The following ZBBX variants were observed in gnomAD, a reference collection of about 807,000 sequenced individuals.
The protein encoded by ZBBX is zinc finger B-box domain-containing protein 1.
Under a neutral mutation model 108.5 loss-of-function variants are expected in ZBBX, and 101 were observed. The observed-to-expected ratio is 0.93, with a 90% CI of 0.79 to 1.10. The LOEUF (loss-of-function observed/expected upper bound fraction) is 1.10, where lower values mean the gene tolerates loss of function less well. Ranked by LOEUF, ZBBX falls within the 50% of genes least tolerant of loss-of-function variation. The pLI is 0.00. For synonymous variants in ZBBX, 356 were observed against 323.4 expected (o/e 1.10, Z -1.08); for missense variants, 1,009 against 941.4 (o/e 1.07, Z -0.94).
At chr3:167,330,081 A>G (rs997588584) in intron 10 of ZBBX, among the ~76,000 whole-genome samples, 1 of 152,240 alleles carries the variant, frequency 6.6e-6, no homozygotes, top group African/African-American at 2.4e-5. Flanking sequence ...ATAAATGCTG[A>G]TCAGTGGAAG....
chr3:167,311,687 G>A lies in ZBBX; in HGVS notation c.1417+2287C>T, dbSNP rs185460415. Among the ~76,000 whole-genome samples, 46 of 151,728 alleles carry A rather than the reference G, an allele frequency of 3.0e-4. 1 individual carries two copies. The highest frequency in any genetic ancestry group is 2.2e-3 in the Admixed American group (34 of 15,238). Reference sequence around the variant, plus strand: ...CAAATAAGCATATTAAAAGATTCTCGATATCATATGTCAACAGAGAATTGC... The same window carrying A: ...CAAATAAGCATATTAAAAGATTCTCAATATCATATGTCAACAGAGAATTGC... On this transcript the variant is annotated intron_variant, in intron 16 of 21. Transcript: ENST00000675490.
intron 9 of ZBBX, among the ~76,000 whole-genome samples, chr3:167,338,382 AG>A (rs1170076096): frequency 2.6e-5 from 4 of 152,180 alleles, no homozygotes; most frequent in African/African-American, 4.8e-5. Context: ...CAAGAATAAA[AG>A]TTTTAGTTTA....
Position 167,372,437 on chromosome 3 carries a change from A to G in ZBBX, c.68+397T>C, listed in dbSNP as rs150781270. Reference sequence around the variant, plus strand: ...GACAGACCTCTCCTGGAAAAGGTCAATTCAACATAACATCCTTTATGTAAA... The same window carrying G: ...GACAGACCTCTCCTGGAAAAGGTCAGTTCAACATAACATCCTTTATGTAAA... On this transcript the variant is annotated intron_variant, in intron 4 of 21. Transcript: ENST00000675490. Among the ~76,000 whole-genome samples, 579 of 152,304 alleles carry G rather than the reference A, an allele frequency of 3.8e-3. 8 individuals carry two copies. The highest frequency in any genetic ancestry group is 0.013 in the African/African-American group (544 of 41,578).
chr3:167,336,087 A>T (rs566135245), intron 9 of ZBBX, among the ~76,000 whole-genome samples: 113 of 152,110 alleles, frequency 7.4e-4, no homozygotes, highest in Admixed American at 2.1e-3. Flanking sequence ...TATTTTTTTT[A>T]AAATATCAAA....
chr3:167,200,742 A>G, the ZBBX span, among the ~76,000 whole-genome samples: 1 of 152,166 alleles, frequency 6.6e-6, no homozygotes, highest in Non-Finnish European at 1.5e-5. Flanking sequence ...CAAAGAGTCT[A>G]CAGATTAGTT....
chr3:167,182,519 C>G, the ZBBX span, among the ~76,000 whole-genome samples: 1 of 152,208 alleles, frequency 6.6e-6, no homozygotes, highest in African/African-American at 2.4e-5. Context: ...TTCCTAAGCT[C>G]TAATGCACAC....
upstream of ZBBX, among the ~76,000 whole-genome samples, chr3:167,384,213 T>C (rs11710114): frequency 0.25 from 37,402 of 152,058 alleles, 5,148 homozygotes; most frequent in Non-Finnish European, 0.31. Context: ...AGAGACACTT[T>C]TAAAATATGG....
At chr3:167,302,578 A>T (rs1180488367) in intron 17 of ZBBX, among the ~76,000 whole-genome samples, 3 of 151,996 alleles carry the variant, frequency 2.0e-5, no homozygotes, top group African/African-American at 7.3e-5. Context: ...TACTTATATG[A>T]TTGGGTTTAT....
intron 16 of ZBBX, among the ~76,000 whole-genome samples, chr3:167,310,652 T>C (rs1366154668): frequency 6.6e-6 from 1 of 152,060 alleles, no homozygotes; most frequent in Non-Finnish European, 1.5e-5. Context: ...CTCACTATCA[T>C]GAGAACAACA....
At chr3:167,247,895 C>T (rs1184844409) in intron 20 of ZBBX, among the ~76,000 whole-genome samples, 2 of 152,182 alleles carry the variant, frequency 1.3e-5, no homozygotes, top group Non-Finnish European at 2.9e-5. Context: ...AGCTCTGTTT[C>T]CCTTCAAAAC....
the ZBBX span, among the ~76,000 whole-genome samples, chr3:167,224,659 G>T: frequency 6.6e-6 from 1 of 151,868 alleles, no homozygotes; most frequent in African/African-American, 2.4e-5. Flanking sequence ...TCATTAAAAT[G>T]GTGAGAGTGG....
At chr3:167,367,933 T>C (rs1354634821) in intron 5 of ZBBX, among the ~76,000 whole-genome samples, 3 of 146,552 alleles carry the variant, frequency 2.0e-5, no homozygotes, top group Non-Finnish European at 4.5e-5. Context: ...ATTTTAAATA[T>C]ACATAAGGGT....
At chr3:167,211,780 GACCTCCA>G in the ZBBX span, among the ~76,000 whole-genome samples, 6 of 152,030 alleles carry the variant, frequency 3.9e-5, no homozygotes, top group African/African-American at 1.2e-4. Flanking sequence ...TCCAAACCAG[GACCTCCA>G]GCCACCCTCA....
the ZBBX span, among the ~76,000 whole-genome samples, chr3:167,224,261 T>G: frequency 6.6e-6 from 1 of 151,904 alleles, no homozygotes; most frequent in Non-Finnish European, 1.5e-5. Flanking sequence ...CTTCCATGTA[T>G]TTTTTTATAA....
intron 18 of ZBBX, among the ~76,000 whole-genome samples, chr3:167,294,368 A>C (rs1163444655): frequency 1.3e-5 from 2 of 152,198 alleles, no homozygotes; most frequent in Non-Finnish European, 2.9e-5. Flanking sequence ...AATGGAACAG[A>C]ACAGAGCCCT....
the ZBBX span, among the ~76,000 whole-genome samples, chr3:167,230,584 G>C: frequency 6.6e-6 from 1 of 151,758 alleles, no homozygotes; most frequent in African/African-American, 2.4e-5. Flanking sequence ...AATCTAGGGG[G>C]AGAGTGCTAA....
At chr3:167,195,001 G>C in the ZBBX span, among the ~76,000 whole-genome samples, 1 of 152,132 alleles carries the variant, frequency 6.6e-6, no homozygotes, top group African/African-American at 2.4e-5. Context: ...TTCAGGCCAC[G>C]AGAAACGTCA....
rs547546319 is a variant in ZBBX, at chr3:167,386,488, T to G, written c.-445-6083A>C. On this transcript the variant is annotated intron_variant, in intron 1 of 21. Coordinates refer to the ZBBX transcript ENST00000455345. ...GTAGAGCGTTGATCTGTAACTCTCA[T>G]AATTGCAAATTAATATTCTTGCATA... Among the ~76,000 whole-genome samples, 8 of 152,198 alleles carry G rather than the reference T, an allele frequency of 5.3e-5. No homozygotes were observed. In the South Asian group the frequency reaches 1.4e-3, roughly 28 times the overall value.
the ZBBX span, among the ~76,000 whole-genome samples, chr3:167,212,990 C>G: frequency 1.3e-5 from 2 of 152,134 alleles, no homozygotes; most frequent in Non-Finnish European, 2.9e-5. Flanking sequence ...AATAAAGACC[C>G]TACACAAAGC....
Sources: allele counts gnomAD v4.1 joint callset (sites outside exome capture counted in the v4.1 genomes callset), GRCh38; gene constraint gnomAD v4.1.1; transcripts MANE v1.5; gene names NCBI Gene and HGNC (gene_info 2026-07-23, HGNC 2026-07-21).